BRD7: variants seen among roughly 807,000 people sequenced by gnomAD.
BRD7 encodes bromodomain containing 7.
A neutral mutation model predicts 82.1 loss-of-function variants in BRD7; 15 were observed. The ratio of observed to expected loss-of-function variants is 0.18; its 90% confidence interval spans 0.12 to 0.28. The LOEUF is 0.28. BRD7 is among the 10% of genes least tolerant of loss of function. The pLI, the probability that BRD7 is intolerant of heterozygous loss-of-function variation, is 1.00. For missense variants in BRD7, 638 were observed against 779.9 expected (o/e 0.82, Z 2.17); for synonymous variants, 232 against 266.9 (o/e 0.87, Z 1.27).
chr16:50,337,644 T>C (rs949739705), intron 6 of BRD7, among the ~76,000 whole-genome samples: 4 of 152,222 alleles, frequency 2.6e-5, no homozygotes, highest in Non-Finnish European at 4.4e-5. Context: ...GTGACTACTC[T>C]ACAATTTTTT....
In BRD7 at chr16:50,319,144, T is replaced by C. The variant is rs1454167761; in HGVS notation, c.*67A>G. Reference sequence around the variant, plus strand: ...CAATTTACAAATATTTAATATCTTCTGAAAAGCATTTCTAAGTTAAGAATG... The same window carrying C: ...CAATTTACAAATATTTAATATCTTCCGAAAAGCATTTCTAAGTTAAGAATG... On this transcript the variant is annotated 3_prime_UTR_variant, in exon 17 of 17. Transcript: ENST00000394688. 2.2e-6 allele frequency: 3 copies of C among 1,347,712 alleles called. No homozygotes were observed. Among genetic ancestry groups the C allele is most frequent in the Non-Finnish European group, 3.1e-6 (3 of 968,098 alleles). The allele number at this position is 1,347,712 out of a possible 1,614,324, so 83.5% of individuals were successfully genotyped here.
At chr16:50,349,713 C>T (rs34663096) in intron 5 of BRD7, 5 of 434,758 alleles carry the variant, frequency 1.2e-5, no homozygotes, top group South Asian at 5.4e-5. Context: ...TTAAAATATT[C>T]GTTTTACTTG....
At position 50,333,570 on chromosome 16, in the gene BRD7, T is replaced by C. The variant is rs1253888924; in HGVS notation, c.1011+4A>G. The stretch of plus-strand genomic sequence containing the variant: ...AGAGAAAAGAAAAGGCAAAGCTCAA[T>C]CACCTGACTGTTCACAAGCCGCCTG... On this transcript the variant is annotated splice_donor_region_variant and intron_variant, in intron 8 of 16. Transcript: ENST00000394688. 1.2e-6 allele frequency: 2 copies of C among 1,611,116 alleles called. No homozygotes were observed. Among genetic ancestry groups the C allele is most frequent in the Non-Finnish European group, 1.7e-6 (2 of 1,179,576 alleles).
intron 8 of BRD7, among the ~76,000 whole-genome samples, chr16:50,330,381 C>T (rs1251755508): frequency 6.8e-6 from 1 of 147,004 alleles, no homozygotes; most frequent in Non-Finnish European, 1.5e-5. Flanking sequence ...CGCTCTGTTG[C>T]CCAGGCTAGA....
At chr16:50,353,557 TGAGTA>T (rs2038618257) in intron 4 of BRD7, among the ~76,000 whole-genome samples, 1 of 152,016 alleles carries the variant, frequency 6.6e-6, no homozygotes, top group African/African-American at 2.4e-5. Context: ...ATTTAAACTC[TGAGTA>T]GAGAGATATC....
intron 5 of BRD7, among the ~76,000 whole-genome samples, chr16:50,344,825 C>T (rs1021776755): frequency 1.3e-5 from 2 of 152,150 alleles, no homozygotes; most frequent in Non-Finnish European, 2.9e-5. Flanking sequence ...AGAATGGAAC[C>T]AAGTTGGAAA....
At chr16:50,333,543 G>A in intron 8 of BRD7, 31 bp downstream of exon 8, 4 of 1,601,426 alleles carry the variant, frequency 2.5e-6, no homozygotes, top group African/African-American at 1.4e-5. Context: ...AAATCAGTAG[G>A]TAGAGAAAAG....
rs550287491 is a variant in BRD7, at chr16:50,334,978, A to G, written c.703-83T>C. The G allele has an allele frequency of 4.6e-6, 6 of 1,317,258 alleles. No homozygotes were observed. In the Admixed American group the frequency reaches 1.2e-4, roughly 26 times the overall value. 81.6% of individuals were successfully genotyped at this position (1,317,258 alleles called of 1,614,324 possible). A position where few individuals can be genotyped will look rare whatever the true frequency, so the allele number is the denominator to read the frequency against. On this transcript the variant is annotated intron_variant, in intron 6 of 16. Transcript: ENST00000394688. ...CATTTTTTTCCCCACAGGAGTTTAT[A>G]CTTATCCTGTCATTAACCAGGGAAG...
chr16:50,320,538 C>T (rs566370509), intron 14 of BRD7, 125 bp downstream of exon 14: 14 of 1,406,544 alleles, frequency 1.0e-5, no homozygotes, highest in Middle Eastern at 1.8e-4. Flanking sequence ...CATACCCATT[C>T]ATTTAACTTG....
chr16:50,321,933 C>T lies in BRD7; in HGVS notation c.1500+49G>A, dbSNP rs777935718. On this transcript the variant is annotated intron_variant, in intron 13 of 16. Coordinates refer to ENST00000394688, the MANE Select transcript of BRD7 (RefSeq NM_013263.5). ...CCCATTCTCAAGACTTCTCTTACTC[C>T]CCTTATTTTCCATTTAAATATTTCT... The T allele has an allele frequency of 1.7e-5, 26 of 1,527,528 alleles. No homozygotes were observed. In the South Asian group the frequency reaches 3.0e-4, roughly 18 times the overall value. 94.6% of individuals were successfully genotyped at this position (1,527,528 alleles called of 1,614,324 possible). A position where few individuals can be genotyped will look rare whatever the true frequency, so the allele number is the denominator to read the frequency against.
chr16:50,359,694 T>C (rs1308740820), intron 2 of BRD7, among the ~76,000 whole-genome samples: 1 of 152,182 alleles, frequency 6.6e-6, no homozygotes, highest in Non-Finnish European at 1.5e-5. Flanking sequence ...TCCTTCCCCA[T>C]TCCCACTGCT....
Position 50,368,819 on chromosome 16 carries a change from C to G in BRD7, c.-45G>C. 1 of 1,415,040 alleles carries G rather than the reference C, an allele frequency of 7.1e-7. No individual in the cohort carries two copies. The highest frequency in any genetic ancestry group is 9.3e-7 in the Non-Finnish European group (1 of 1,071,168). The allele number at this position is 1,415,040 out of a possible 1,614,324, so 87.7% of individuals were successfully genotyped here. A position where few individuals can be genotyped will look rare whatever the true frequency, so the allele number is the denominator to read the frequency against. On this transcript the variant is annotated 5_prime_UTR_variant, in exon 1 of 17. Coordinates refer to ENST00000394688, the MANE Select transcript of BRD7 (RefSeq NM_013263.5). ...CCCGCCCCCCGCGCCAGGCCCAGGC[C>G]GTGCGGCGCCGCTTCCGGTCCGGGC... is the stretch of plus-strand genomic sequence containing the variant.
intron 6 of BRD7, among the ~76,000 whole-genome samples, chr16:50,336,506 G>A (rs1302171046): frequency 6.6e-6 from 1 of 152,176 alleles, no homozygotes; most frequent in Admixed American, 6.5e-5. Flanking sequence ...AGGTTGCAGT[G>A]AGCCGAGATT....
intron 3 of BRD7, 127 bp from the exon 4 acceptor site, chr16:50,354,609 T>C (rs2038662384): frequency 1.7e-6 from 2 of 1,197,136 alleles, no homozygotes; most frequent in Admixed American, 2.4e-5. Flanking sequence ...CTTAAAAATA[T>C]ATTGAAGTTT....
intron 2 of BRD7, among the ~76,000 whole-genome samples, chr16:50,358,273 C>T (rs989645935): frequency 2.7e-4 from 40 of 150,544 alleles, no homozygotes; most frequent in African/African-American, 8.6e-4. Flanking sequence ...CCCTGTCATC[C>T]CAGAACTTTG....
chr16:50,343,572 A>G (rs1277446874), intron 5 of BRD7, among the ~76,000 whole-genome samples: 1 of 152,214 alleles, frequency 6.6e-6, no homozygotes, highest in Admixed American at 6.5e-5. Context: ...AAGCTGTGAC[A>G]GACTGTACCT....
At chr16:50,331,429 C>G (rs758394336) in intron 8 of BRD7, among the ~76,000 whole-genome samples, 1 of 152,186 alleles carries the variant, frequency 6.6e-6, no homozygotes, top group African/African-American at 2.4e-5. Context: ...AGGCTGGGCA[C>G]GGTGGCTCAT....
At chr16:50,346,027 C>A (rs937483862) in intron 5 of BRD7, among the ~76,000 whole-genome samples, 1 of 152,166 alleles carries the variant, frequency 6.6e-6, no homozygotes, top group African/African-American at 2.4e-5. Flanking sequence ...AAGTAAAGCA[C>A]TCCTCAGTAA....
intron 8 of BRD7, among the ~76,000 whole-genome samples, chr16:50,332,234 G>A (rs753041482): frequency 3.8e-5 from 4 of 105,294 alleles, no homozygotes; most frequent in Non-Finnish European, 5.5e-5. Context: ...TGTGAACTAC[G>A]CATCCAATAA....
Sources: gnomAD v4.1 joint callset for allele counts (sites outside exome capture counted in the v4.1 genomes callset) on GRCh38, gnomAD v4.1.1 for gene constraint, MANE v1.5 for transcripts, NCBI Gene and HGNC (gene_info 2026-07-23, HGNC 2026-07-21) for gene names.